Variants in TCF25 observed in about 807,000 individuals in gnomAD.
TCF25 encodes TCF25 ribosome quality control complex subunit.
In TCF25, 41 loss-of-function variants were observed where a neutral mutation model predicts 83.1. That is an observed-to-expected ratio of 0.49 (90% confidence interval 0.38 to 0.64). The LOEUF (loss-of-function observed/expected upper bound fraction) is 0.64. Ranked by LOEUF, TCF25 falls within the 30% of genes least tolerant of loss-of-function variation. TCF25 has a pLI of 0.00. For missense variants in TCF25, 979 were observed against 914.5 expected (o/e 1.07, Z -0.91); for synonymous variants, 458 against 365.0 (o/e 1.25, Z -2.90).
At chr16:89,885,062 C>T (rs1274487151) in intron 3 of TCF25, among the ~76,000 whole-genome samples, 203 of 121,158 alleles carry the variant, frequency 1.7e-3, no homozygotes, top group African/African-American at 6.0e-3. Context: ...CTCTGCCTGA[C>T]GCCCTCTCCC....
chr16:89,905,716 C>T (rs537711436), intron 14 of TCF25, among the ~76,000 whole-genome samples: 1 of 152,364 alleles, frequency 6.6e-6, no homozygotes, highest in South Asian at 2.1e-4. Context: ...CCCCCAGCCG[C>T]TGGCAGTCAT....
intron 9 of TCF25, 111 bp downstream of exon 9, chr16:89,896,194 C>CCCTGGT: frequency 2.2e-6 from 2 of 922,876 alleles, no homozygotes; most frequent in Non-Finnish European, 3.3e-6. Context: ...TGGACCAGGG[C>CCCTGGT]CCACAGGTCC....
chr16:89,890,550 G>A (rs1023216956), intron 5 of TCF25: 18 of 152,114 alleles, frequency 1.2e-4, no homozygotes, highest in Non-Finnish European at 2.4e-4. Context: ...TTTCTAACAG[G>A]TTTTGCTTTA....
rs79036629 is a variant in TCF25, at chr16:89,901,273, G to A, written c.1381+479G>A. Among the ~76,000 whole-genome samples, 1,336 of 152,370 alleles carry A rather than the reference G, an allele frequency of 8.8e-3. 33 individuals carry two copies. The South Asian group carries it at 0.09, about 10-fold the overall frequency. ...TAGCTTCGATCCACGCACATGTGGC[G>A]GGCACAGTGAGGCTGCCACCTGGTC... On this transcript the variant is annotated intron_variant, in intron 12 of 17. Transcript: ENST00000263346.
intron 5 of TCF25, chr16:89,889,809 C>G (rs113214206): frequency 6.6e-6 from 1 of 152,526 alleles, no homozygotes. Flanking sequence ...CTCAGCCTCC[C>G]GAAGTGCTGG....
At chr16:89,877,427 G>A (rs753483724) in intron 1 of TCF25, among the ~76,000 whole-genome samples, 18 of 152,216 alleles carry the variant, frequency 1.2e-4, no homozygotes, top group Admixed American at 5.2e-4. Flanking sequence ...GAGCTACCAT[G>A]CCTGGCCTAG....
chr16:89,892,548 A>T (rs890420171), intron 6 of TCF25, among the ~76,000 whole-genome samples: 16 of 152,132 alleles, frequency 1.1e-4, no homozygotes, highest in African/African-American at 3.6e-4. Context: ...CTGGCCCAGT[A>T]CCTCAACACG....
intron 10 of TCF25, 53 bp downstream of exon 10, chr16:89,898,702 G>C (rs2044083495): frequency 6.2e-7 from 1 of 1,611,824 alleles, no homozygotes; most frequent in Non-Finnish European, 8.5e-7. Context: ...CTGGCTGCAG[G>C]CCCACTCTCA....
chr16:89,884,280 G>T (rs1293188096), intron 2 of TCF25, among the ~76,000 whole-genome samples: 1 of 152,162 alleles, frequency 6.6e-6, no homozygotes. Flanking sequence ...CTTCAGGGTG[G>T]CTGCAGTGTG....
intron 7 of TCF25, chr16:89,894,833 C>T: frequency 4.5e-6 from 2 of 444,852 alleles, no homozygotes; most frequent in Non-Finnish European, 8.3e-6. Context: ...TTATTAGAGA[C>T]CAGGTTTTGC....
intron 1 of TCF25, among the ~76,000 whole-genome samples, chr16:89,880,730 A>G (rs957163401): frequency 2.6e-5 from 4 of 152,258 alleles, no homozygotes; most frequent in Admixed American, 6.5e-5. Context: ...CTCTAAAAAC[A>G]GACAAGTAAA....
chr16:89,907,534 TACCTC>T (rs2044972934), intron 16 of TCF25, among the ~76,000 whole-genome samples: 1 of 1,912 alleles, frequency 5.2e-4, no homozygotes, highest in Non-Finnish European at 9.5e-4. Context: ...TCCCAGTTCC[TACCTC>T]CCATCTCCCA....
At chr16:89,888,380 G>A (rs1034638253) in intron 5 of TCF25, among the ~76,000 whole-genome samples, 3 of 152,030 alleles carry the variant, frequency 2.0e-5, no homozygotes, top group East Asian at 1.9e-4. Context: ...CTGAGTTCAC[G>A]AGTTCGAGAT....
intron 1 of TCF25, chr16:89,878,434 ATTTTTTTTT>A (rs34120033): frequency 2.0e-6 from 2 of 1,005,706 alleles, no homozygotes; most frequent in African/African-American, 2.2e-5. Flanking sequence ...AAAAATCACC[ATTTTTTTTT>A]TTTTTTTTTT....
In TCF25 at chr16:89,886,166, G is replaced by A. The variant is rs995807957; in HGVS notation, c.548+200G>A. The A allele has an allele frequency of 2.0e-4, 114 of 572,110 alleles. 1 individual carries two copies. The highest frequency in any genetic ancestry group is 8.6e-4 in the South Asian group (55 of 64,192). 35.4% of individuals were successfully genotyped at this position (572,110 alleles called of 1,614,324 possible). On this transcript the variant is annotated intron_variant, in intron 4 of 17. Coordinates refer to ENST00000263346, the MANE Select transcript of TCF25 (RefSeq NM_014972.3). ...TTATTGGCTGGGCGTGGTGGCTCAC[G>A]CCTGTAATCCCAGCACTTTGGGAGG...
At chr16:89,896,607 G>T (rs958586017) in intron 9 of TCF25, among the ~76,000 whole-genome samples, 2 of 147,916 alleles carry the variant, frequency 1.4e-5, no homozygotes, top group Non-Finnish European at 3.0e-5. Context: ...AGGCCGGAGT[G>T]CAGGGGCGCG....
chr16:89,902,731 G>A (rs1337435717), intron 12 of TCF25, among the ~76,000 whole-genome samples: 1 of 151,410 alleles, frequency 6.6e-6, no homozygotes, highest in African/African-American at 2.4e-5. Context: ...CCTCCGAGGG[G>A]CTGTGAGGGG....
intron 12 of TCF25, among the ~76,000 whole-genome samples, chr16:89,903,437 G>A (rs1163554060): frequency 1.3e-5 from 2 of 152,252 alleles, no homozygotes; most frequent in Non-Finnish European, 2.9e-5. Context: ...TTGGGAGGCC[G>A]AGGCAGGAGG....
At chr16:89,879,390 A>T (rs866044776) in intron 1 of TCF25, among the ~76,000 whole-genome samples, 1 of 48,592 alleles carries the variant, frequency 2.1e-5, no homozygotes, top group Non-Finnish European at 4.2e-5. Context: ...TGGGCTTCGG[A>T]GCCTGTCACA....
Sources: allele counts gnomAD v4.1 joint callset (sites outside exome capture counted in the v4.1 genomes callset), GRCh38; gene constraint gnomAD v4.1.1; transcripts MANE v1.5; gene names NCBI Gene and HGNC (gene_info 2026-07-23, HGNC 2026-07-21).